Variants in PIK3C2B observed in about 807,000 individuals in gnomAD.
PIK3C2B encodes the protein phosphatidylinositol 4-phosphate 3-kinase C2 domain-containing subunit beta.
A neutral mutation model predicts 184.3 loss-of-function variants in PIK3C2B; 83 were observed. The observed-to-expected ratio is 0.45, with a 90% CI of 0.38 to 0.54. The LOEUF is 0.54. Ranked by LOEUF, PIK3C2B falls within the 20% of genes least tolerant of loss-of-function variation. The pLI is 0.00. For synonymous variants in PIK3C2B, 779 were observed against 837.6 expected, an observed-to-expected ratio of 0.93 and a Z score of 1.21; for missense variants, 1,736 against 2,113.5, an observed-to-expected ratio of 0.82 and a Z score of 3.50.
rs549200312 is a variant in PIK3C2B at position 204,447,525 on chromosome 1, G to T, written c.2400C>A (p.Asp800Glu). The stretch of plus-strand genomic sequence containing the variant: ...CAAACTCATAGCGGGGGCTGAACTT[G>T]TCTCCAGGGGGGCTGGTGAACTTGA... ...FDIKFTSPPG[D>E]KFSPRYEFGS... Residue 800 changes from aspartate (D) to glutamate (E), a missense_variant, in exon 15 of 33, where the codon GAC (aspartate) becomes GAA (glutamate). Around this residue, in one of 8 missense-constraint regions of PIK3C2B, gnomAD observed 609 missense variants for 699.2 expected, o/e 0.87. Transcript: ENST00000684373. The surrounding 1 kb of genome is among the most constrained non-coding windows in gnomAD (Gnocchi z 4.1). The T allele has an allele frequency of 2.5e-6, 4 of 1,611,070 alleles. No homozygotes were observed. The Admixed American group carries it at 5.0e-5, about 20-fold the overall frequency.
chr1:204,447,252 G>C lies in PIK3C2B; in HGVS notation c.2489+184C>G, dbSNP rs78921561. On this transcript the variant is annotated intron_variant, in intron 15 of 32. Transcript: ENST00000684373. This position sits in a 1 kb window ranked among gnomAD's most constrained non-coding sequence, Gnocchi z 4.1. Reference sequence around the variant, plus strand: ...TGGGTATTCTCAGATCTAATTTCCTGACCTTGACCTCTCCACTTTTCCTAG... The same window carrying C: ...TGGGTATTCTCAGATCTAATTTCCTCACCTTGACCTCTCCACTTTTCCTAG... 2.5e-3 allele frequency among the ~76,000 whole-genome samples: 388 copies of C among 152,216 alleles called. No homozygotes were observed. The highest frequency in any genetic ancestry group is 4.7e-3 in the Non-Finnish European group (320 of 68,012).
At chr1:204,440,386 A>C (rs1572304215) in intron 21 of PIK3C2B, 65 bp from the exon 22 acceptor site, 3 of 1,502,430 alleles carry the variant, frequency 2.0e-6, no homozygotes, top group African/African-American at 2.8e-5. Flanking sequence ...AGGTCTCCCA[A>C]GTGCTCAACC....
chr1:204,443,530 G>A lies in PIK3C2B; in HGVS notation c.2935C>T (p.Leu979=). Residue 979 remains leucine, a synonymous_variant, in exon 19 of 33, where the codon CTG becomes TTG. Coordinates refer to ENST00000684373, the MANE Select transcript of PIK3C2B (RefSeq NM_001377334.1). ...CTCAGCCCCTTGCCACAGCAGCACAGTAAGGCTGCCAGCAGATACTGGTAG... is the reference window on the plus strand; with the variant it reads ...CTCAGCCCCTTGCCACAGCAGCACAATAAGGCTGCCAGCAGATACTGGTAG... ...IRYQYLLAAL[L]CCCGKGLREE... is the part of the protein sequence containing the mutation. The A allele has an allele frequency of 6.2e-7, 1 of 1,614,188 alleles. No homozygotes were observed. The highest frequency in any genetic ancestry group is 8.5e-7 in the Non-Finnish European group (1 of 1,179,988).
intron 17 of PIK3C2B, 81 bp from the exon 18 acceptor site, chr1:204,444,243 T>C: frequency 7.0e-7 from 1 of 1,429,372 alleles, no homozygotes. Context: ...TGCACTGGGA[T>C]CTCTGGTTTC....
At chr1:204,449,339 G>T in intron 13 of PIK3C2B, 43 bp from the exon 14 acceptor site, 1 of 1,442,864 alleles carries the variant, frequency 6.9e-7, no homozygotes, top group Non-Finnish European at 9.6e-7. Context: ...AAGTGGCTAA[G>T]CAGAGAATAT....
At chr1:204,431,616 T>A in intron 28 of PIK3C2B, 53 bp downstream of exon 28, 1 of 1,609,544 alleles carries the variant, frequency 6.2e-7, no homozygotes, top group East Asian at 2.2e-5. Context: ...CCATCCCGTA[T>A]CCTTTCCCCC....
intron 30 of PIK3C2B, 36 bp from the exon 31 acceptor site, chr1:204,427,790 G>T: frequency 1.4e-6 from 2 of 1,458,758 alleles, no homozygotes; most frequent in Non-Finnish European, 1.9e-6. Context: ...GGGTCAAGAG[G>T]CCAGGCAGGT....
chr1:204,429,154 G>T (rs911973625), intron 29 of PIK3C2B, among the ~76,000 whole-genome samples: 1 of 152,182 alleles, frequency 6.6e-6, no homozygotes, highest in Admixed American at 6.5e-5. Flanking sequence ...CTTGAGCCTG[G>T]GAAGTGGAGG....
At chr1:204,429,084 C>T (rs1472053533) in intron 29 of PIK3C2B, among the ~76,000 whole-genome samples, 1 of 151,766 alleles carries the variant, frequency 6.6e-6, no homozygotes, top group Non-Finnish European at 1.5e-5. Context: ...AAAAATTAGC[C>T]GGGTGTGGTG....
rs191828494 is a variant in PIK3C2B at position 204,470,776 on chromosome 1, A to G, written c.-84-890T>C. Reference sequence around the variant, plus strand: ...ATGGATTTTTAAAAATGTGATGTCTATACAATTGAATACTACTTGGCAATA... The same window carrying G: ...ATGGATTTTTAAAAATGTGATGTCTGTACAATTGAATACTACTTGGCAATA... On this transcript the variant is annotated intron_variant, in intron 1 of 32. Transcript: ENST00000684373. 4.0e-3 allele frequency among the ~76,000 whole-genome samples: 616 copies of G among 152,236 alleles called. 1 individual carries two copies. Among genetic ancestry groups the G allele is most frequent in the Middle Eastern group, 0.01 (3 of 294 alleles).
At chr1:204,466,684 G>A in intron 2 of PIK3C2B, 1 of 402,024 alleles carries the variant, frequency 2.5e-6, no homozygotes, top group South Asian at 2.0e-5. Flanking sequence ...AGGCAAGAGA[G>A]GGAGAGAACA....
chr1:204,482,109 CGGGGGG>C (rs55875447), intron 1 of PIK3C2B, among the ~76,000 whole-genome samples: 5,850 of 132,328 alleles, frequency 0.044, 176 homozygotes, highest in South Asian at 0.073. Context: ...CATGAAAAGA[CGGGGGG>C]GGGGGGGGGG....
In PIK3C2B at chr1:204,431,724, A is replaced by C; in HGVS notation, c.4225T>G (p.Phe1409Val). ...ATYIQRTFEE[F>V]QELHNKLRLL... ...CGCAACTTATTGTGTAATTCCTGGA[A>C]CTCCTCAAAGGTCCGCTGGATGTAG... Residue 1409 changes from phenylalanine (F) to valine (V), a missense_variant, in exon 28 of 33, where the codon TTC (phenylalanine) becomes GTC (valine). Coordinates refer to ENST00000684373, the MANE Select transcript of PIK3C2B (RefSeq NM_001377334.1). 1.2e-6 allele frequency: 2 copies of C among 1,613,834 alleles called. No individual in the cohort carries two copies. The highest frequency in any genetic ancestry group is 1.7e-6 in the Non-Finnish European group (2 of 1,179,976).
In PIK3C2B at chr1:204,424,945, G is replaced by C. The variant is rs61758019; in HGVS notation, c.4812C>G (p.Leu1604=). The C allele has an allele frequency of 6.2e-7, 1 of 1,614,052 alleles. No homozygotes were observed. Among genetic ancestry groups the C allele is most frequent in the Non-Finnish European group, 8.5e-7 (1 of 1,179,996 alleles). Residue 1604 remains leucine, a synonymous_variant, in exon 33 of 33, where the codon CTC becomes CTG. Transcript: ENST00000684373. The part of the protein sequence containing the change: ...SEQGFWENVL[L]GEVNIRLREL... The stretch of plus-strand genomic sequence containing the variant: ...CTCGCAGGCGGATGTTCACCTCACC[G>C]AGGAGGACGTTCTCCCAGAATCCCT...
chr1:204,483,256 A>G (rs1047077232), intron 1 of PIK3C2B, among the ~76,000 whole-genome samples: 4 of 151,984 alleles, frequency 2.6e-5, no homozygotes, highest in Non-Finnish European at 4.4e-5. Context: ...CATCTTTACA[A>G]AAAACACAAA....
chr1:204,473,567 G>A (rs930818847), intron 1 of PIK3C2B, among the ~76,000 whole-genome samples: 2 of 152,196 alleles, frequency 1.3e-5, no homozygotes, highest in African/African-American at 4.8e-5. Flanking sequence ...AAGTTGGATT[G>A]GGCTTAAGTA....
chr1:204,431,565 T>C, intron 28 of PIK3C2B, 104 bp downstream of exon 28: 1 of 1,406,064 alleles, frequency 7.1e-7, no homozygotes, highest in Non-Finnish European at 1.0e-6. Flanking sequence ...AGATGTTTAG[T>C]CCAAAAGGGT....
rs1674951369 is a variant in PIK3C2B, at chr1:204,429,952, T to C, written c.4367A>G (p.His1456Arg). Residue 1456 changes from histidine (H) to arginine (R), a missense_variant, in exon 29 of 33, where the codon CAC becomes CGC. By Grantham distance (29) the His-to-Arg change is conservative. This residue lies in a region of PIK3C2B where 200 missense variants were observed against 199.1 expected (regional missense o/e 1.00). Transcript: ENST00000684373. ...RREELNGYIW[H>R]LIHAPPEVAE... ...CACCTCAGGGGGTGCGTGGATCAAG[T>C]GCCAGATGTAACCGTTTAGCTCCTC... 2 of 1,612,872 alleles carry C rather than the reference T, an allele frequency of 1.2e-6. No individual in the cohort carries two copies. The highest frequency in any genetic ancestry group is 1.7e-6 in the Non-Finnish European group (2 of 1,179,736).
At chr1:204,454,024 C>A (rs1654600726) in intron 12 of PIK3C2B, among the ~76,000 whole-genome samples, 1 of 151,938 alleles carries the variant, frequency 6.6e-6, no homozygotes, top group Non-Finnish European at 1.5e-5. Flanking sequence ...ATCCGCCCGC[C>A]TCGGCCTCCC....
Sources: allele counts gnomAD v4.1 joint callset (sites outside exome capture counted in the v4.1 genomes callset), GRCh38; gene constraint gnomAD v4.1.1; regional missense constraint gnomAD v4.1.1; non-coding constraint Gnocchi (gnomAD v3.1); transcripts MANE v1.5; gene names NCBI Gene and HGNC (gene_info 2026-07-23, HGNC 2026-07-21).